The following HMGCLL1 variants were observed in gnomAD, a reference collection of about 807,000 sequenced individuals.
The protein encoded by HMGCLL1 is 3-hydroxymethyl-3-methylglutaryl-CoA lyase, cytoplasmic.
In HMGCLL1, 36 loss-of-function variants were observed where a neutral mutation model predicts 39.1. The ratio of observed to expected loss-of-function variants is 0.92; its 90% CI spans 0.71 to 1.22. The LOEUF is 1.22. Among genes scored for constraint, HMGCLL1 ranks in the 50% most tolerant of loss-of-function variants. HMGCLL1 has a pLI of 0.00. For missense variants in HMGCLL1, 451 were observed against 416.5 expected (o/e 1.08, Z -0.72); for synonymous variants, 149 against 144.0 (o/e 1.03, Z -0.25).
intron 1 of HMGCLL1, among the ~76,000 whole-genome samples, chr6:55,577,578 C>A (rs1771821408): frequency 6.6e-6 from 1 of 152,064 alleles, no homozygotes. Context: ...ACATCCTTAC[C>A]TGCAACCAAT....
intron 5 of HMGCLL1, among the ~76,000 whole-genome samples, chr6:55,502,010 T>A (rs545298736): frequency 2.0e-5 from 3 of 151,970 alleles, no homozygotes; most frequent in African/African-American, 7.2e-5. Context: ...TTGCTCCATT[T>A]ATTTTTTTCA....
chr6:55,554,731 A>G (rs1770559296), intron 1 of HMGCLL1, among the ~76,000 whole-genome samples: 1 of 152,040 alleles, frequency 6.6e-6, no homozygotes, highest in Non-Finnish European at 1.5e-5. Flanking sequence ...ATGGCCAGGG[A>G]AGGGGTCCTC....
chr6:55,517,374 A>T (rs1422146000), intron 3 of HMGCLL1, among the ~76,000 whole-genome samples: 2 of 152,118 alleles, frequency 1.3e-5, no homozygotes, highest in Non-Finnish European at 2.9e-5. Context: ...ATTACCATTG[A>T]CATAACCATG....
chr6:55,647,560 TG>T, the HMGCLL1 span, among the ~76,000 whole-genome samples: 5 of 130,696 alleles, frequency 3.8e-5, no homozygotes, highest in South Asian at 4.8e-4. Context: ...ATCAATTGTA[TG>T]TTTTTTTTAT....
At chr6:55,468,725 A>G (rs1232148510) in intron 7 of HMGCLL1, among the ~76,000 whole-genome samples, 1 of 152,004 alleles carries the variant, frequency 6.6e-6, no homozygotes, top group African/African-American at 2.4e-5. Context: ...TTGCCTAAGA[A>G]GACAAAATCA....
At chr6:55,577,361 T>C (rs187844951) in intron 1 of HMGCLL1, among the ~76,000 whole-genome samples, 4 of 151,074 alleles carry the variant, frequency 2.6e-5, no homozygotes, top group Admixed American at 1.3e-4. Context: ...AAAAAAAAAT[T>C]TAAAATCTGT....
chr6:55,520,191 T>C (rs1423151798), intron 3 of HMGCLL1, among the ~76,000 whole-genome samples: 1 of 151,410 alleles, frequency 6.6e-6, no homozygotes, highest in Non-Finnish European at 1.5e-5. Flanking sequence ...GGCACATGTA[T>C]ACCTGTGTAA....
chr6:55,540,507 T>A (rs187856335), intron 3 of HMGCLL1, among the ~76,000 whole-genome samples: 8 of 152,196 alleles, frequency 5.3e-5, no homozygotes, highest in Non-Finnish European at 1.2e-4. Context: ...GGTGACCATC[T>A]GCAAATAAGG....
the HMGCLL1 span, among the ~76,000 whole-genome samples, chr6:55,623,615 C>T: frequency 2.0e-5 from 3 of 149,404 alleles, no homozygotes; most frequent in African/African-American, 4.9e-5. Flanking sequence ...CTATTAGAGC[C>T]GAAGAGAGAT....
chr6:55,498,962 C>CA (rs144934893), intron 6 of HMGCLL1, among the ~76,000 whole-genome samples: 23,088 of 151,946 alleles, frequency 0.15, 2,199 homozygotes, highest in Non-Finnish European at 0.21. Context: ...GTTATAGCCA[C>CA]AAAAAAACAA....
At chr6:55,597,039 G>T in the HMGCLL1 span, among the ~76,000 whole-genome samples, 1 of 123,012 alleles carries the variant, frequency 8.1e-6, no homozygotes, top group Non-Finnish European at 1.8e-5. Context: ...AAAACCCAAT[G>T]ATTTTTGTGA....
rs1767894446 is a variant in HMGCLL1 at position 55,519,032 on chromosome 6, A to G, written c.298-2429T>C. 2.0e-5 allele frequency among the ~76,000 whole-genome samples: 3 copies of G among 152,188 alleles called. No individual in the cohort carries two copies. The South Asian group carries it at 6.2e-4, about 31-fold the overall frequency. On this transcript the variant is annotated intron_variant, in intron 3 of 8. Transcript: ENST00000274901. ...TGGTAACATATTATTTGGCTAGAGA[A>G]GATTAGTAGTGAACAATTGGGGATA...
At chr6:55,514,334 C>T (rs1052556703) in intron 4 of HMGCLL1, 138 bp from the exon 5 acceptor site, 1 of 591,938 alleles carries the variant, frequency 1.7e-6, no homozygotes, top group African/African-American at 1.9e-5. Context: ...TTGGATTCCT[C>T]TCATCTTGCC....
the HMGCLL1 span, among the ~76,000 whole-genome samples, chr6:55,598,445 T>G: frequency 6.6e-6 from 1 of 152,180 alleles, no homozygotes; most frequent in Non-Finnish European, 1.5e-5. Context: ...CAGACTGCGT[T>G]GTACTCCAAT....
At chr6:55,643,154 C>T in the HMGCLL1 span, among the ~76,000 whole-genome samples, 1 of 151,998 alleles carries the variant, frequency 6.6e-6, no homozygotes, top group Non-Finnish European at 1.5e-5. Flanking sequence ...TAGGTATATA[C>T]CCAGTAAAGG....
intron 7 of HMGCLL1, among the ~76,000 whole-genome samples, chr6:55,447,585 T>C (rs1273345589): frequency 6.6e-6 from 1 of 151,520 alleles, no homozygotes; most frequent in South Asian, 2.1e-4. Context: ...CTGAAGGAAG[T>C]AAGGAAAAAA....
the HMGCLL1 span, among the ~76,000 whole-genome samples, chr6:55,650,405 T>A: frequency 6.6e-6 from 1 of 151,770 alleles, no homozygotes; most frequent in Non-Finnish European, 1.5e-5. Context: ...AGATCTGGAA[T>A]AATTCTCTGA....
chr6:55,629,910 G>T, the HMGCLL1 span, among the ~76,000 whole-genome samples: 1 of 152,194 alleles, frequency 6.6e-6, no homozygotes, highest in African/African-American at 2.4e-5. Context: ...TGTACAGGCA[G>T]AAGTTTACTG....
the HMGCLL1 span, among the ~76,000 whole-genome samples, chr6:55,591,219 C>T: frequency 6.6e-6 from 1 of 151,992 alleles, no homozygotes; most frequent in South Asian, 2.1e-4. Flanking sequence ...GAGATTCACA[C>T]ACTATGTGAA....
Sources: gnomAD v4.1 joint callset for allele counts (sites outside exome capture counted in the v4.1 genomes callset) on GRCh38, gnomAD v4.1.1 for gene constraint, MANE v1.5 for transcripts, NCBI Gene and HGNC (gene_info 2026-07-23, HGNC 2026-07-21) for gene names.